Variants in PTPRM observed in about 807,000 individuals in gnomAD.
PTPRM encodes protein tyrosine phosphatase receptor type M, also known as receptor-type tyrosine-protein phosphatase mu.
PTPRM carries 47 observed loss-of-function variants against 186.7 expected under a neutral mutation model. The ratio of observed to expected loss-of-function variants is 0.25; its 90% CI spans 0.20 to 0.32. The LOEUF (loss-of-function observed/expected upper bound fraction) is 0.32, where lower values mean the gene tolerates loss of function less well. Among genes scored for constraint, PTPRM ranks in the 10% least tolerant of loss-of-function variants. The probability of loss-of-function intolerance (pLI) is 1.00; values close to 1 mark genes in which losing one functional copy is unlikely to be tolerated. For synonymous variants in PTPRM, 668 were observed against 674.9 expected, an observed-to-expected ratio of 0.99 and a Z score of 0.16; for missense variants, 1,494 against 1,865.0, an observed-to-expected ratio of 0.80 and a Z score of 3.66.
At chr18:7,678,489 G>T (rs1045184714) in intron 1 of PTPRM, among the ~76,000 whole-genome samples, 1 of 152,160 alleles carries the variant, frequency 6.6e-6, no homozygotes. Context: ...TTGTACCCTT[G>T]CCTGGACGGG....
chr18:7,798,721 T>C (rs1568146183), intron 2 of PTPRM, among the ~76,000 whole-genome samples: 1 of 152,184 alleles, frequency 6.6e-6, no homozygotes, highest in Non-Finnish European at 1.5e-5. Flanking sequence ...TCCTTTCTCC[T>C]TCTCTCTCCT....
intron 2 of PTPRM, among the ~76,000 whole-genome samples, chr18:7,798,735 GTCT>G (rs1224961212): frequency 3.3e-5 from 5 of 151,896 alleles, no homozygotes; most frequent in African/African-American, 1.2e-4. Context: ...CTCTCCTTAT[GTCT>G]TCTTAACACT....
rs538790452 is a variant in PTPRM at position 8,247,790 on chromosome 18, G to A, written c.2453-55G>A. On this transcript the variant is annotated intron_variant, in intron 15 of 32. Coordinates refer to ENST00000580170, the MANE Select transcript of PTPRM (RefSeq NM_001105244.2). ...CATGGGTGGTCTCAGAGCATTGTGT[G>A]TTCAGAGTGTATTACCTCTCTGCTG... 1.5e-4 allele frequency: 198 copies of A among 1,325,726 alleles called. 1 individual carries two copies. In the South Asian group the frequency reaches 2.2e-3, roughly 15 times the overall value. The allele number at this position is 1,325,726 out of a possible 1,614,324, so 82.1% of individuals were successfully genotyped here. A position where few individuals can be genotyped will look rare whatever the true frequency, so the allele number is the denominator to read the frequency against.
chr18:7,840,449 TG>T (rs2046268711), intron 2 of PTPRM, among the ~76,000 whole-genome samples: 1 of 152,232 alleles, frequency 6.6e-6, no homozygotes, highest in African/African-American at 2.4e-5. Context: ...TTGAAGCACT[TG>T]TTTGCTATCA....
intron 19 of PTPRM, 56 bp downstream of exon 19, chr18:8,253,470 G>T (rs1186511127): frequency 7.4e-7 from 1 of 1,346,194 alleles, no homozygotes; most frequent in Non-Finnish European, 9.6e-7. Context: ...TCCATGCCAG[G>T]TACTGTGCTC....
intron 22 of PTPRM, among the ~76,000 whole-genome samples, chr18:8,339,990 A>T (rs1030320658): frequency 2.0e-5 from 3 of 152,112 alleles, no homozygotes; most frequent in Admixed American, 2.0e-4. Context: ...CTCAAAAAAA[A>T]AACCCCACAA....
At chr18:8,038,379 G>T (rs1158125833) in intron 7 of PTPRM, among the ~76,000 whole-genome samples, 4 of 121,518 alleles carry the variant, frequency 3.3e-5, no homozygotes, top group Admixed American at 1.9e-4. Flanking sequence ...TTAGCTTTTA[G>T]ATTTTTTTTT....
In PTPRM at chr18:8,343,439, C is replaced by A. The variant is rs1463772335; in HGVS notation, c.2973C>A (p.Thr991=). Reference sequence around the variant, plus strand: ...TTGCTGCAGGGCCAATGCAGGAAACCATCTATGACTTCTGGAGGATGGTGT... The same window carrying A: ...TTGCTGCAGGGCCAATGCAGGAAACAATCTATGACTTCTGGAGGATGGTGT... ...YIATQGPMQE[T]IYDFWRMVWH... The change falls in exon 23 of 33, where the codon ACC becomes ACA. Residue 991 remains threonine, a synonymous_variant. Coordinates refer to ENST00000580170, the MANE Select transcript of PTPRM (RefSeq NM_001105244.2). 6.2e-7 allele frequency: 1 copy of A among 1,612,994 alleles called. No individual in the cohort carries two copies. Among genetic ancestry groups the A allele is most frequent in the East Asian group, 2.2e-5 (1 of 44,760 alleles).
chr18:7,617,975 G>A (rs2037847454), intron 1 of PTPRM, among the ~76,000 whole-genome samples: 2 of 152,284 alleles, frequency 1.3e-5, no homozygotes, highest in South Asian at 4.1e-4. Context: ...AATGAGGAGC[G>A]GCAGAGACTG....
chr18:7,944,420 C>T (rs1003493711), intron 5 of PTPRM, among the ~76,000 whole-genome samples: 1 of 152,172 alleles, frequency 6.6e-6, no homozygotes, highest in African/African-American at 2.4e-5. Context: ...GGACTCACAC[C>T]GTATCTCCTC....
intron 7 of PTPRM, among the ~76,000 whole-genome samples, chr18:8,012,348 C>A (rs1351261605): frequency 9.9e-5 from 15 of 152,194 alleles, no homozygotes; most frequent in Admixed American, 7.9e-4. Flanking sequence ...GATCGACAGG[C>A]CATGAAGATT....
intron 7 of PTPRM, among the ~76,000 whole-genome samples, chr18:8,013,075 C>T (rs2084639595): frequency 6.6e-6 from 1 of 151,914 alleles, no homozygotes. Flanking sequence ...TAAGTAAGTC[C>T]CCTATCTTGG....
intron 1 of PTPRM, among the ~76,000 whole-genome samples, chr18:7,591,260 G>A (rs2037118585): frequency 1.3e-5 from 2 of 152,160 alleles, no homozygotes; most frequent in South Asian, 4.1e-4. Context: ...CTTTGCTGAA[G>A]TGTTAATGGA....
intron 7 of PTPRM, among the ~76,000 whole-genome samples, chr18:8,043,316 C>T (rs1343330277): frequency 6.6e-6 from 1 of 152,142 alleles, no homozygotes; most frequent in Non-Finnish European, 1.5e-5. Context: ...GCTTCTTAGT[C>T]ACTGGTAGAA....
At chr18:7,881,850 A>G (rs189425857) in intron 2 of PTPRM, among the ~76,000 whole-genome samples, 1 of 152,072 alleles carries the variant, frequency 6.6e-6, no homozygotes, top group African/African-American at 2.4e-5. Context: ...CACCATGACC[A>G]TGTGTGTCCA....
At chr18:7,837,680 T>G (rs983303860) in intron 2 of PTPRM, among the ~76,000 whole-genome samples, 5 of 152,174 alleles carry the variant, frequency 3.3e-5, no homozygotes, top group African/African-American at 1.2e-4. Context: ...TGACCTCAGG[T>G]GATCCACCCT....
chr18:8,075,923 A>G (rs920113793), intron 8 of PTPRM, among the ~76,000 whole-genome samples: 1 of 152,174 alleles, frequency 6.6e-6, no homozygotes, highest in Non-Finnish European at 1.5e-5. Flanking sequence ...AACATAACTT[A>G]CTAAACCATT....
intron 14 of PTPRM, among the ~76,000 whole-genome samples, chr18:8,231,453 G>C (rs1232579854): frequency 6.6e-6 from 1 of 152,152 alleles, no homozygotes; most frequent in South Asian, 2.1e-4. Flanking sequence ...GCAGCAATTT[G>C]TCCTGCAGCT....
chr18:8,110,235 T>A (rs116675656), intron 11 of PTPRM, among the ~76,000 whole-genome samples: 2,009 of 152,218 alleles, frequency 0.013, 47 homozygotes, highest in African/African-American at 0.047. Context: ...TTGAAAATAG[T>A]GATAAAAGGA....
Sources: allele counts gnomAD v4.1 joint callset (sites outside exome capture counted in the v4.1 genomes callset), GRCh38; gene constraint gnomAD v4.1.1; transcripts MANE v1.5; gene names NCBI Gene and HGNC (gene_info 2026-07-23, HGNC 2026-07-21).